The following GRIK2 variants were observed in gnomAD, a reference collection of about 807,000 sequenced individuals.
GRIK2 encodes the protein glutamate receptor ionotropic, kainate 2.
A neutral mutation model predicts 100.3 loss-of-function variants in GRIK2; 32 were observed. The observed-to-expected ratio is 0.32, with a 90% CI of 0.24 to 0.43. GRIK2 has a LOEUF of 0.43. Ranked by LOEUF, GRIK2 falls within the 20% of genes least tolerant of loss-of-function variation. The pLI, the probability that GRIK2 is intolerant of heterozygous loss-of-function variation, is 1.00. For synonymous variants in GRIK2, 417 were observed against 389.4 expected (o/e 1.07, Z -0.83); for missense variants, 843 against 1,114.9 (o/e 0.76, Z 3.47).
intron 14 of GRIK2, among the ~76,000 whole-genome samples, chr6:102,004,995 G>A (rs1582705132): frequency 1.3e-5 from 2 of 151,650 alleles, no homozygotes; most frequent in South Asian, 4.1e-4. Context: ...CAGGAGAACA[G>A]TAGCCTATAT....
At chr6:101,445,760 C>A (rs1770339272) in intron 2 of GRIK2, among the ~76,000 whole-genome samples, 1 of 152,076 alleles carries the variant, frequency 6.6e-6, no homozygotes, top group African/African-American at 2.4e-5. Flanking sequence ...CTTTTCCCAT[C>A]TGTAGTTGAC....
At chr6:101,419,683 G>A (rs1252614426) in intron 2 of GRIK2, among the ~76,000 whole-genome samples, 1 of 152,180 alleles carries the variant, frequency 6.6e-6, no homozygotes, top group Non-Finnish European at 1.5e-5. Context: ...GAAGAAACAG[G>A]CTGAGAGAGG....
intron 14 of GRIK2, among the ~76,000 whole-genome samples, chr6:101,950,322 G>A (rs1582599837): frequency 6.6e-6 from 1 of 151,812 alleles, no homozygotes; most frequent in African/African-American, 2.4e-5. Flanking sequence ...CTCAATCTTT[G>A]GTGAGAGGAA....
chr6:101,901,794 T>C (rs551247507), intron 12 of GRIK2, among the ~76,000 whole-genome samples: 31 of 152,114 alleles, frequency 2.0e-4, no homozygotes, highest in African/African-American at 7.2e-4. Context: ...TTGACCACGA[T>C]TTAAATTTGT....
At chr6:101,601,786 G>A (rs1270689741) in intron 2 of GRIK2, among the ~76,000 whole-genome samples, 1 of 151,530 alleles carries the variant, frequency 6.6e-6, no homozygotes. Flanking sequence ...TGCCACCTTC[G>A]ACATTTCTGA....
At chr6:102,065,745 T>C (rs2114537828) in intron 16 of GRIK2, 1 of 1,227,356 alleles carries the variant, frequency 8.1e-7, no homozygotes, top group East Asian at 2.8e-5. Flanking sequence ...CGGGATCAAG[T>C]TTTGACCATG....
chr6:101,980,707 T>C (rs1389542147), intron 14 of GRIK2, among the ~76,000 whole-genome samples: 1 of 151,836 alleles, frequency 6.6e-6, no homozygotes, highest in East Asian at 1.9e-4. Flanking sequence ...ATAAGATCTT[T>C]TCAAGTTTCT....
intron 10 of GRIK2, among the ~76,000 whole-genome samples, chr6:101,851,405 A>G (rs4840198): frequency 0.11 from 16,433 of 151,882 alleles, 1,891 homozygotes; most frequent in East Asian, 0.66. Flanking sequence ...AACTTTGATT[A>G]TATTTTATCC....
intron 14 of GRIK2, among the ~76,000 whole-genome samples, chr6:102,029,392 T>C (rs1175830696): frequency 6.6e-6 from 1 of 151,312 alleles, no homozygotes; most frequent in African/African-American, 2.4e-5. Flanking sequence ...CTTTCTTCTA[T>C]GTCAATTTGC....
chr6:101,944,182 C>T (rs753322789), intron 14 of GRIK2, among the ~76,000 whole-genome samples: 6 of 152,160 alleles, frequency 3.9e-5, no homozygotes, highest in Non-Finnish European at 8.8e-5. Flanking sequence ...CACCTTCCAT[C>T]ATGATCATAT....
chr6:101,797,503 A>G (rs563184482), intron 7 of GRIK2, among the ~76,000 whole-genome samples: 103 of 150,608 alleles, frequency 6.8e-4, no homozygotes, highest in Non-Finnish European at 1.3e-3. Flanking sequence ...AATAAAGTAA[A>G]TATATTAATT....
Position 101,818,600 on chromosome 6 carries a change from A to T in GRIK2, c.1317+117A>T, listed in dbSNP as rs1231390040. 7.9e-6 allele frequency: 5 copies of T among 636,130 alleles called. No homozygotes were observed. The Admixed American group carries it at 1.4e-4, about 17-fold the overall frequency. 39.4% of individuals were successfully genotyped at this position (636,130 alleles called of 1,614,324 possible). On this transcript the variant is annotated intron_variant, in intron 10 of 16. Transcript: ENST00000369134. ...AGAATGTATTTTACAGTTATTTAGC[A>T]ATTACTGTACAACAGATGAGTCAAT...
chr6:101,537,153 C>T (rs1386937839), intron 2 of GRIK2, among the ~76,000 whole-genome samples: 1 of 151,688 alleles, frequency 6.6e-6, no homozygotes, highest in African/African-American at 2.4e-5. Context: ...CCGTGGAGGA[C>T]TCTTGGATCT....
chr6:101,645,234 T>C (rs1781467167), intron 4 of GRIK2, among the ~76,000 whole-genome samples: 1 of 151,822 alleles, frequency 6.6e-6, no homozygotes. Context: ...TATATTTACC[T>C]CTTAAACTAT....
intron 4 of GRIK2, among the ~76,000 whole-genome samples, chr6:101,642,069 T>C (rs1781297482): frequency 6.6e-6 from 1 of 151,964 alleles, no homozygotes; most frequent in South Asian, 2.1e-4. Flanking sequence ...AATACTGTAG[T>C]ACTCATTTAA....
chr6:101,838,859 G>T (rs184271605), intron 10 of GRIK2, among the ~76,000 whole-genome samples: 1 of 151,934 alleles, frequency 6.6e-6, no homozygotes, highest in African/African-American at 2.4e-5. Context: ...CACCATTTTG[G>T]CCAGGCTGGT....
intron 2 of GRIK2, among the ~76,000 whole-genome samples, chr6:101,593,489 C>T (rs547319910): frequency 6.6e-6 from 1 of 151,998 alleles, no homozygotes; most frequent in East Asian, 1.9e-4. Context: ...ACAGGAATTT[C>T]ATCTCCATTT....
chr6:101,935,648 C>G (rs1016346775), intron 14 of GRIK2, among the ~76,000 whole-genome samples: 11 of 151,880 alleles, frequency 7.2e-5, no homozygotes, highest in Non-Finnish European at 1.3e-4. Context: ...GAATTGGGTT[C>G]TGAGCAAGAG....
At chr6:102,006,189 GA>G (rs147405260) in intron 14 of GRIK2, among the ~76,000 whole-genome samples, 16,514 of 150,954 alleles carry the variant, frequency 0.11, 2,505 homozygotes, top group African/African-American at 0.34. Flanking sequence ...CATTAGTGCA[GA>G]AAAAAATATA....
Sources: allele counts gnomAD v4.1 joint callset (sites outside exome capture counted in the v4.1 genomes callset), GRCh38; gene constraint gnomAD v4.1.1; transcripts MANE v1.5; gene names NCBI Gene and HGNC (gene_info 2026-07-23, HGNC 2026-07-21).